The following GRM5 variants were observed in gnomAD, a reference collection of about 807,000 sequenced individuals.
The protein encoded by GRM5 is metabotropic glutamate receptor 5.
Under a neutral mutation model 83.1 loss-of-function variants are expected in GRM5, and 19 were observed. The observed-to-expected ratio is 0.23, with a 90% CI of 0.16 to 0.34. The LOEUF is 0.34. GRM5 is among the 10% of genes least tolerant of loss of function. The pLI, the probability that GRM5 is intolerant of heterozygous loss-of-function variation, is 1.00. For missense variants in GRM5, 1,160 were observed against 1,588.3 expected (o/e 0.73, Z 4.58); for synonymous variants, 675 against 633.6 (o/e 1.07, Z -0.98).
chr11:89,042,585 T>A (rs1339749286), intron 2 of GRM5, among the ~76,000 whole-genome samples: 2 of 152,224 alleles, frequency 1.3e-5, no homozygotes, highest in Non-Finnish European at 2.9e-5. Context: ...CTCAGCACTG[T>A]TCAATTCCTG....
intron 3 of GRM5, among the ~76,000 whole-genome samples, chr11:88,693,223 A>G (rs1486163767): frequency 6.6e-6 from 1 of 152,232 alleles, no homozygotes; most frequent in East Asian, 1.9e-4. Context: ...GTACTATGGG[A>G]GAAGCACTTA....
intron 3 of GRM5, among the ~76,000 whole-genome samples, chr11:88,665,290 T>C (rs10831251): frequency 0.86 from 130,042 of 151,986 alleles, 57,435 homozygotes; most frequent in Non-Finnish European, 0.98. Flanking sequence ...AAATGTCTAT[T>C]TCTGTATTGT....
At chr11:88,885,286 TG>T (rs1438622466) in intron 2 of GRM5, among the ~76,000 whole-genome samples, 3 of 151,834 alleles carry the variant, frequency 2.0e-5, no homozygotes, top group African/African-American at 7.2e-5. Flanking sequence ...CTGAAGCATA[TG>T]TTTTATAAAG....
At chr11:88,839,587 A>G (rs1944159432) in intron 3 of GRM5, among the ~76,000 whole-genome samples, 1 of 152,208 alleles carries the variant, frequency 6.6e-6, no homozygotes, top group South Asian at 2.1e-4. Flanking sequence ...TTTGTTCACC[A>G]CTTAAACTAT....
intron 2 of GRM5, among the ~76,000 whole-genome samples, chr11:88,966,188 A>C (rs1938955133): frequency 6.6e-6 from 1 of 152,112 alleles, no homozygotes. Flanking sequence ...ATTGAACTGA[A>C]TGAAAATGGA....
chr11:88,888,616 A>G (rs1205254093), intron 2 of GRM5, among the ~76,000 whole-genome samples: 2 of 152,200 alleles, frequency 1.3e-5, no homozygotes, highest in South Asian at 4.1e-4. Flanking sequence ...ATGCCGGCAA[A>G]AAGGTAAAAG....
At chr11:88,641,496 A>G (rs1408848737) in intron 4 of GRM5, among the ~76,000 whole-genome samples, 1 of 152,078 alleles carries the variant, frequency 6.6e-6, no homozygotes, top group Non-Finnish European at 1.5e-5. Context: ...CAACCCAATC[A>G]GCAGTCCCAA....
chr11:88,983,631 CAAT>C (rs1565320277), intron 2 of GRM5, among the ~76,000 whole-genome samples: 2 of 152,060 alleles, frequency 1.3e-5, no homozygotes, highest in Non-Finnish European at 2.9e-5. Context: ...TCATTAATGA[CAAT>C]AAATCACTAT....
At chr11:88,602,283 A>C (rs145023762) in intron 5 of GRM5, among the ~76,000 whole-genome samples, 1 of 152,192 alleles carries the variant, frequency 6.6e-6, no homozygotes, top group African/African-American at 2.4e-5. Flanking sequence ...ATGATTGTTT[A>C]GGCTTTTGTA....
chr11:88,888,925 G>A (rs756170706), intron 2 of GRM5, among the ~76,000 whole-genome samples: 2 of 152,136 alleles, frequency 1.3e-5, no homozygotes, highest in Admixed American at 6.5e-5. Context: ...CTTGCTTCTT[G>A]TCCTTGGGAA....
At chr11:89,058,893 T>C (rs1941930473) in intron 1 of GRM5, among the ~76,000 whole-genome samples, 2 of 151,862 alleles carry the variant, frequency 1.3e-5, no homozygotes, top group African/African-American at 4.9e-5. Context: ...TATAAATTAA[T>C]TTACATGTTG....
intron 8 of GRM5, among the ~76,000 whole-genome samples, chr11:88,540,555 T>C (rs1942243151): frequency 6.6e-6 from 1 of 151,906 alleles, no homozygotes; most frequent in Non-Finnish European, 1.5e-5. Flanking sequence ...GAGAAGCAGT[T>C]CTGGAAAGTC....
chr11:88,845,423 C>CTTTTTTTTTTTTTTTTTTTTTTTTTT lies in GRM5; in HGVS notation c.911+4457_911+4482dup, dbSNP rs71046265. On this transcript the variant is annotated intron_variant, in intron 3 of 9. Transcript: ENST00000305447. ...AGGCTACAGTACAGTATAAACATAA[C>CTTTTTTTTTTTTTTTTTTTTTTTTTT]TTTTTTTTTTTTTTTTTTTTTTTTT... Among the ~76,000 whole-genome samples the CTTTTTTTTTTTTTTTTTTTTTTTTTT allele has an allele frequency of 5.4e-5, 5 of 92,444 alleles. 2 individuals carry two copies. The highest frequency in any genetic ancestry group is 2.2e-4 in the African/African-American group (5 of 22,230). 60.6% of individuals were successfully genotyped at this position (92,444 alleles called of 152,430 possible).
chr11:88,553,355 C>T (rs1942554736), intron 8 of GRM5, among the ~76,000 whole-genome samples: 1 of 152,136 alleles, frequency 6.6e-6, no homozygotes, highest in Admixed American at 6.6e-5. Context: ...TATCCAGTGG[C>T]TAGATAGTTC....
At chr11:88,981,976 G>A (rs1939538537) in intron 2 of GRM5, among the ~76,000 whole-genome samples, 1 of 152,090 alleles carries the variant, frequency 6.6e-6, no homozygotes, top group South Asian at 2.1e-4. Context: ...TTCCTACAAT[G>A]CAAGATAACT....
At chr11:88,573,550 G>A (rs1032080762) in intron 7 of GRM5, among the ~76,000 whole-genome samples, 4 of 152,154 alleles carry the variant, frequency 2.6e-5, no homozygotes, top group African/African-American at 7.2e-5. Context: ...TAGAATCTCT[G>A]AGAATAAGAT....
At chr11:89,044,519 C>T (rs1315436953) in intron 2 of GRM5, among the ~76,000 whole-genome samples, 8 of 151,980 alleles carry the variant, frequency 5.3e-5, no homozygotes, top group African/African-American at 7.3e-5. Context: ...TTGTGGTACC[C>T]GTGACACAGT....
intron 1 of GRM5, among the ~76,000 whole-genome samples, chr11:89,054,846 T>G (rs895812037): frequency 9.9e-5 from 15 of 152,232 alleles, no homozygotes; most frequent in African/African-American, 3.6e-4. Flanking sequence ...TGGAAACATA[T>G]ACATTGACAT....
At chr11:88,640,075 C>A (rs1362122362) in intron 4 of GRM5, among the ~76,000 whole-genome samples, 1 of 152,120 alleles carries the variant, frequency 6.6e-6, no homozygotes, top group East Asian at 1.9e-4. Context: ...TGTTCTATTT[C>A]CTTAATGCTG....
Sources: gnomAD v4.1 joint callset for allele counts (sites outside exome capture counted in the v4.1 genomes callset) on GRCh38, gnomAD v4.1.1 for gene constraint, MANE v1.5 for transcripts, NCBI Gene and HGNC (gene_info 2026-07-23, HGNC 2026-07-21) for gene names.